IGSF9: variants seen among roughly 807,000 people sequenced by gnomAD.
The protein encoded by IGSF9 is immunoglobulin superfamily member 9.
Under a neutral mutation model 121.7 loss-of-function variants are expected in IGSF9, and 87 were observed. The ratio of observed to expected loss-of-function variants is 0.71; its 90% CI spans 0.60 to 0.85. The LOEUF is 0.85. Among genes scored for constraint, IGSF9 ranks in the 40% least tolerant of loss-of-function variants. The pLI, the probability that IGSF9 is intolerant of heterozygous loss-of-function variation, is 0.00. For missense variants in IGSF9, 1,462 were observed against 1,565.3 expected (o/e 0.93, Z 1.11); for synonymous variants, 640 against 648.4 (o/e 0.99, Z 0.20).
chr1:159,936,725 G>A, intron 5 of IGSF9, 29 bp downstream of exon 5: 1 of 1,612,676 alleles, frequency 6.2e-7, no homozygotes, highest in Non-Finnish European at 8.5e-7. Flanking sequence ...CACTCTATAT[G>A]GCTCACTCTG....
Position 159,937,738 on chromosome 1 carries a change from G to T in IGSF9, c.348C>A (p.His116Gln). The T allele has an allele frequency of 6.2e-7, 1 of 1,614,084 alleles. No individual in the cohort carries two copies. Among genetic ancestry groups the T allele is most frequent in the Non-Finnish European group, 8.5e-7 (1 of 1,179,962 alleles). The change falls in exon 4 of 21, where the codon CAC becomes CAA. Residue 116 changes from histidine to glutamine, a missense_variant. Transcript: ENST00000368094. Reference sequence around the variant, plus strand: ...CGTTAGCAAAATCGTCTTCAGGGATGTGCTGGTCCAGGAAGAACACGCGGC... The same window carrying T: ...CGTTAGCAAAATCGTCTTCAGGGATTTGCTGGTCCAGGAAGAACACGCGGC... ...YECRVFFLDQ[H>Q]IPEDDFANGS...
Position 159,931,831 on chromosome 1 carries a change from G to A in IGSF9, c.1343C>T (p.Pro448Leu). Residue 448 changes from proline to leucine, a missense_variant, in exon 11 of 21, where the codon CCT (proline) becomes CTT (leucine). Physicochemically the swap from Pro to Leu is moderately conservative, Grantham distance 98. This residue lies in a region of IGSF9 where 558 missense variants were observed against 599.4 expected (regional missense o/e 0.93). Transcript: ENST00000368094. The surrounding 1 kb of genome is among the most constrained non-coding windows in gnomAD (Gnocchi z 4.8). The part of the protein sequence containing the change: ...IPCSAQGDPP[P>L]VVSWTKVGRG... ...CCTTACCTTGGTCCAAGAGACAACAGGAGGAGGGTCCCCTTGGGCGGAGCA... is the reference window on the plus strand; with the variant it reads ...CCTTACCTTGGTCCAAGAGACAACAAGAGGAGGGTCCCCTTGGGCGGAGCA... The A allele has an allele frequency of 1.3e-6, 2 of 1,586,144 alleles. No homozygotes were observed. The highest frequency in any genetic ancestry group is 1.7e-6 in the Non-Finnish European group (2 of 1,168,096).
chr1:159,936,843 G>C lies in IGSF9; in HGVS notation c.466C>G (p.Leu156Val). ...LEVQELEPVTLRCVARGSPLP... is the reference protein window; with the variant it reads ...LEVQELEPVTVRCVARGSPLP... ...GGGCTGCCACGGGCCACACAACGCA[G>C]GGTCACAGGCTCCAGTTCCTGCACT... The change falls in exon 5 of 21, where the codon CTG becomes GTG. Residue 156 changes from leucine (L) to valine (V), a missense_variant. By Grantham distance (32) the Leu-to-Val change is conservative. Coordinates refer to ENST00000368094, the MANE Select transcript of IGSF9 (RefSeq NM_001135050.2). 6.2e-7 allele frequency: 1 copy of C among 1,614,234 alleles called. No homozygotes were observed. The highest frequency in any genetic ancestry group is 1.1e-5 in the South Asian group (1 of 91,090).
chr1:159,937,687 A>G lies in IGSF9; in HGVS notation c.399T>C (p.Asn133=). The change falls in exon 4 of 21, where the codon AAT becomes AAC. Residue 133 remains asparagine (N), a splice_region_variant and synonymous_variant. Transcript: ENST00000368094. ...ANGSWVHLTV[N]SPPQFQETPP... is the part of the protein sequence containing the mutation. The stretch of plus-strand genomic sequence containing the variant: ...ACCACCTGCCCCCCAGCTTCATACA[A>G]TTGACTGTCAGATGCACCCAGGAGC... 3 of 1,613,240 alleles carry G rather than the reference A, an allele frequency of 1.9e-6. No homozygotes were observed. The highest frequency in any genetic ancestry group is 2.5e-6 in the Non-Finnish European group (3 of 1,179,434).
At chr1:159,940,856 C>A (rs1021955105) in intron 3 of IGSF9, among the ~76,000 whole-genome samples, 21 of 152,198 alleles carry the variant, frequency 1.4e-4, no homozygotes, top group African/African-American at 4.8e-4. Context: ...CCAAGAAATA[C>A]AGCACAAAAG....
Position 159,943,340 on chromosome 1 carries a change from C to T in IGSF9, c.58+57G>A, listed in dbSNP as rs1651467332. 3 of 1,473,556 alleles carry T rather than the reference C, an allele frequency of 2.0e-6. No homozygotes were observed. In the South Asian group the frequency reaches 4.1e-5, roughly 20 times the overall value. The allele number at this position is 1,473,556 out of a possible 1,614,324, so 91.3% of individuals were successfully genotyped here. A position where few individuals can be genotyped will look rare whatever the true frequency, so the allele number is the denominator to read the frequency against. Reference sequence around the variant, plus strand: ...CTCAAAGAGGAACCCTTGAGGAACACCCCCATACCCACCCCAAGGCTAACA... The same window carrying T: ...CTCAAAGAGGAACCCTTGAGGAACATCCCCATACCCACCCCAAGGCTAACA... On this transcript the variant is annotated intron_variant, in intron 2 of 20. Coordinates refer to ENST00000368094, the MANE Select transcript of IGSF9 (RefSeq NM_001135050.2).
intron 3 of IGSF9, among the ~76,000 whole-genome samples, chr1:159,938,844 G>A (rs1651285022): frequency 6.6e-6 from 1 of 152,210 alleles, no homozygotes; most frequent in Admixed American, 6.5e-5. Context: ...CCTGGCATCA[G>A]TGGATGCTCA....
intron 1 of IGSF9, among the ~76,000 whole-genome samples, 155 bp downstream of exon 1, chr1:159,945,418 C>A (rs1651548400): frequency 6.6e-6 from 1 of 152,054 alleles, no homozygotes; most frequent in African/African-American, 2.4e-5. Flanking sequence ...CCCACCCACC[C>A]GCCAAGAATT....
intron 4 of IGSF9, 39 bp downstream of exon 4, chr1:159,937,647 T>C (rs1248253265): frequency 6.3e-7 from 1 of 1,598,656 alleles, no homozygotes. Flanking sequence ...ATCCTCCTCC[T>C]CCCCGTCCTT....
At chr1:159,942,889 G>A in intron 3 of IGSF9, 74 bp downstream of exon 3, 1 of 1,241,546 alleles carries the variant, frequency 8.1e-7, no homozygotes, top group Non-Finnish European at 1.2e-6. Context: ...GTTCATAGGA[G>A]GCCTTGTGCG....
chr1:159,936,596 G>A (rs1651194475), intron 5 of IGSF9, 80 bp from the exon 6 acceptor site: 7 of 1,538,218 alleles, frequency 4.6e-6, no homozygotes, highest in South Asian at 1.2e-5. Context: ...CCAGCAGAGG[G>A]AGGCAGCACC....
chr1:159,934,174 T>C lies in IGSF9; in HGVS notation c.1104+16A>G, dbSNP rs1209121448. The C allele has an allele frequency of 2.8e-5, 45 of 1,606,476 alleles. No homozygotes were observed. The highest frequency in any genetic ancestry group is 3.5e-5 in the Non-Finnish European group (41 of 1,176,404). On this transcript the variant is annotated intron_variant, in intron 9 of 20. Transcript: ENST00000368094. ...CGCCAAGCTAAGACCCTCCTTCCCCTGCCCCAAGCCTGTACCTTGTCCAGC... is the reference window on the plus strand; with the variant it reads ...CGCCAAGCTAAGACCCTCCTTCCCCCGCCCCAAGCCTGTACCTTGTCCAGC...
In IGSF9 at chr1:159,937,765, C is replaced by T. The variant is rs199702860; in HGVS notation, c.321G>A (p.Glu107=). Residue 107 remains glutamate (E), a synonymous_variant, in exon 4 of 21, where the codon GAG becomes GAA. Transcript: ENST00000368094. Reference sequence around the variant, plus strand: ...GCTGGTCCAGGAAGAACACGCGGCACTCGTACCAGCCCTGGTCTTCCACCC... The same window carrying T: ...GCTGGTCCAGGAAGAACACGCGGCATTCGTACCAGCCCTGGTCTTCCACCC... ...GLRVEDQGWY[E]CRVFFLDQHI... is the part of the protein sequence containing the mutation. The T allele has an allele frequency of 6.2e-6, 10 of 1,614,108 alleles. No individual in the cohort carries two copies. The African/African-American group carries it at 1.3e-4, about 22-fold the overall frequency.
chr1:159,931,038 A>C lies in IGSF9; in HGVS notation c.1637+100T>G. ...GAAGCAGAGCCAGGACTGGTGAGGG[A>C]TAGAGGGACAGAAGAAAGGGCAGAA... On this transcript the variant is annotated intron_variant, in intron 13 of 20. Transcript: ENST00000368094. The surrounding 1 kb of genome is among the most constrained non-coding windows in gnomAD (Gnocchi z 4.8). 6.5e-7 allele frequency: 1 copy of C among 1,547,384 alleles called. No individual in the cohort carries two copies. The highest frequency in any genetic ancestry group is 1.4e-5 in the African/African-American group (1 of 73,768).
intron 3 of IGSF9, among the ~76,000 whole-genome samples, chr1:159,942,083 C>G (rs1483258098): frequency 6.6e-6 from 1 of 152,238 alleles, no homozygotes; most frequent in Non-Finnish European, 1.5e-5. Flanking sequence ...TGGGTCTCCC[C>G]TCTGAAGAGG....
intron 6 of IGSF9, among the ~76,000 whole-genome samples, chr1:159,936,061 C>A (rs1245388228): frequency 6.6e-6 from 1 of 152,190 alleles, no homozygotes; most frequent in Non-Finnish European, 1.5e-5. Context: ...TAAGTAAATT[C>A]TTGTAACACA....
At chr1:159,942,614 C>T (rs768985878) in intron 3 of IGSF9, among the ~76,000 whole-genome samples, 5 of 152,128 alleles carry the variant, frequency 3.3e-5, no homozygotes, top group Non-Finnish European at 5.9e-5. Context: ...AGGATGAAGT[C>T]TGGGAGGTTT....
chr1:159,931,527 G>A lies in IGSF9; in HGVS notation c.1439C>T (p.Ala480Val). ...GGCACTGCATTCCCAGTGCCCGTGG[G>A]CCTCCTTGGTCAATGGTCGCAGGAT... ...SLILRPLTKE[A>V]HGHWECSASN... is the part of the protein sequence containing the mutation. Residue 480 changes from alanine to valine, a missense_variant, in exon 12 of 21, where the codon GCC becomes GTC. Physicochemically the swap from Ala to Val is moderately conservative, Grantham distance 64. Coordinates refer to ENST00000368094, the MANE Select transcript of IGSF9 (RefSeq NM_001135050.2). The surrounding 1 kb of genome is among the most constrained non-coding windows in gnomAD (Gnocchi z 4.8). 6.2e-7 allele frequency: 1 copy of A among 1,614,158 alleles called. No homozygotes were observed.
chr1:159,938,661 A>G (rs1651280867), intron 3 of IGSF9, among the ~76,000 whole-genome samples: 1 of 152,136 alleles, frequency 6.6e-6, no homozygotes, highest in Non-Finnish European at 1.5e-5. Context: ...ACAAGCACAC[A>G]CTTGGGAGCC....
Sources: gnomAD v4.1 joint callset for allele counts (sites outside exome capture counted in the v4.1 genomes callset) on GRCh38, gnomAD v4.1.1 for gene constraint, gnomAD v4.1.1 regional missense constraint, Gnocchi (gnomAD v3.1) non-coding constraint, MANE v1.5 for transcripts, NCBI Gene and HGNC (gene_info 2026-07-23, HGNC 2026-07-21) for gene names.